ADAMTS17: variants seen among roughly 807,000 people sequenced by gnomAD.
ADAMTS17 encodes A disintegrin and metalloproteinase with thrombospondin motifs 17.
In ADAMTS17, 113 loss-of-function variants were observed where a neutral mutation model predicts 141.5. The observed-to-expected ratio is 0.80, with a 90% CI of 0.69 to 0.93. The LOEUF is 0.93. Ranked by LOEUF, ADAMTS17 falls within the 40% of genes least tolerant of loss-of-function variation. ADAMTS17 has a pLI of 0.00. For missense variants in ADAMTS17, 1,659 were observed against 1,517.9 expected (o/e 1.09, Z -1.54); for synonymous variants, 768 against 630.6 (o/e 1.22, Z -3.27).
At chr15:100,098,221 G>A (rs1041465221) in intron 14 of ADAMTS17, among the ~76,000 whole-genome samples, 1 of 151,976 alleles carries the variant, frequency 6.6e-6, no homozygotes, top group African/African-American at 2.4e-5. Flanking sequence ...GCTTTGCCGG[G>A]GCTGACCATC....
chr15:99,994,484 T>TGGAAAAAA (rs1279616800), intron 19 of ADAMTS17, among the ~76,000 whole-genome samples: 1 of 151,870 alleles, frequency 6.6e-6, no homozygotes, highest in African/African-American at 2.4e-5. Flanking sequence ...CTGTGTCCAC[T>TGGAAAAAA]GGAAAAAAGG....
rs1307657780 is a variant in ADAMTS17 at position 100,341,377 on chromosome 15, C to A, written c.112G>T (p.Val38Leu). The change falls in exon 2 of 22, where the codon GTG becomes TTG. Residue 38 changes from valine to leucine, a missense_variant. Coordinates refer to ENST00000268070, the MANE Select transcript of ADAMTS17 (RefSeq NM_139057.4). ...VGDAAADVEV[V>L]LPWRVRPDDV... is the part of the protein sequence containing the mutation. The stretch of plus-strand genomic sequence containing the variant: ...TCGGGGCGCACCCGCCACGGGAGCA[C>A]CACCTCCACGTCGGCCGCCGCGTCG... The A allele has an allele frequency of 9.8e-7, 1 of 1,017,510 alleles. No homozygotes were observed. The highest frequency in any genetic ancestry group is 9.5e-5 in the East Asian group (1 of 10,480). The allele number at this position is 1,017,510 out of a possible 1,614,324, so 63.0% of individuals were successfully genotyped here. A position where few individuals can be genotyped will look rare whatever the true frequency, so the allele number is the denominator to read the frequency against.
intron 3 of ADAMTS17, among the ~76,000 whole-genome samples, chr15:100,305,271 T>C (rs117081214): frequency 2.4e-3 from 362 of 152,356 alleles, no homozygotes; most frequent in Non-Finnish European, 3.4e-3. Context: ...CTGGTCTTTA[T>C]GGCTCTTTGT....
At chr15:100,263,942 C>T (rs2043619798) in intron 4 of ADAMTS17, among the ~76,000 whole-genome samples, 1 of 152,228 alleles carries the variant, frequency 6.6e-6, no homozygotes, top group Admixed American at 6.5e-5. Flanking sequence ...AACACGGCTG[C>T]ACCCAGCCCA....
At chr15:100,337,149 C>T (rs1203739174) in intron 2 of ADAMTS17, among the ~76,000 whole-genome samples, 1 of 152,250 alleles carries the variant, frequency 6.6e-6, no homozygotes, top group Non-Finnish European at 1.5e-5. Context: ...GCTGGGATTA[C>T]AGGCGTAAGC....
intron 13 of ADAMTS17, among the ~76,000 whole-genome samples, chr15:100,114,155 CTTCTTT>C (rs2036965099): frequency 8.8e-6 from 1 of 113,970 alleles, no homozygotes; most frequent in African/African-American, 3.3e-5. Context: ...AGAATTCTTT[CTTCTTT>C]TTTTTTTTTT....
chr15:100,086,087 G>A (rs1408620308), intron 15 of ADAMTS17, among the ~76,000 whole-genome samples: 2 of 151,896 alleles, frequency 1.3e-5, no homozygotes, highest in African/African-American at 2.4e-5. Context: ...TCAGTGTGCT[G>A]TATTCAGGAA....
At chr15:100,077,655 A>G (rs1321835271) in intron 15 of ADAMTS17, among the ~76,000 whole-genome samples, 1 of 152,200 alleles carries the variant, frequency 6.6e-6, no homozygotes, top group East Asian at 1.9e-4. Context: ...CTCCACAGCT[A>G]ACAGCATATT....
Position 100,261,587 on chromosome 15 carries a change from C to T in ADAMTS17, c.923G>A (p.Cys308Tyr). The T allele has an allele frequency of 3.1e-6, 5 of 1,614,142 alleles. No individual in the cohort carries two copies. The highest frequency in any genetic ancestry group is 1.6e-4 in the Middle Eastern group (1 of 6,062). Residue 308 changes from cysteine to tyrosine, a missense_variant, in exon 6 of 22, where the codon TGT (cysteine) becomes TAT (tyrosine). Cys to Tyr is a radical substitution (Grantham distance 194). Coordinates refer to ENST00000268070, the MANE Select transcript of ADAMTS17 (RefSeq NM_139057.4). The stretch of plus-strand genomic sequence containing the variant: ...TCCATACTCCTCGTTCTGCCAGTGA[C>T]AGAAGCTCTCCAGGGACCGCTCACC... ...HHGERSLESF[C>Y]HWQNEEYGGA... is the part of the protein sequence containing the mutation.
At chr15:100,341,695 G>A in intron 1 of ADAMTS17, 126 bp downstream of exon 1, 1 of 1,246,502 alleles carries the variant, frequency 8.0e-7, no homozygotes, top group Non-Finnish European at 1.1e-6. Context: ...CGCGGCCCGC[G>A]CCTCCTCCGC....
chr15:100,240,672 G>T (rs774028870), intron 7 of ADAMTS17, among the ~76,000 whole-genome samples: 1 of 152,124 alleles, frequency 6.6e-6, no homozygotes, highest in African/African-American at 2.4e-5. Context: ...CTGCCACCCA[G>T]AACTCAGTCC....
intron 7 of ADAMTS17, among the ~76,000 whole-genome samples, chr15:100,246,895 A>T (rs1283572700): frequency 6.7e-6 from 1 of 150,202 alleles, no homozygotes; most frequent in South Asian, 2.1e-4. Context: ...TTATTTATTT[A>T]TTTTTTGAGA....
intron 15 of ADAMTS17, among the ~76,000 whole-genome samples, chr15:100,076,704 T>A (rs962520583): frequency 1.3e-5 from 2 of 152,168 alleles, no homozygotes; most frequent in African/African-American, 4.8e-5. Context: ...ATTTTCCTTT[T>A]AAAAAACAAT....
rs139059770 is a variant in ADAMTS17 at position 100,096,384 on chromosome 15, C to T, written c.2109G>A (p.Lys703=). The change falls in exon 15 of 22, where the codon AAG becomes AAA. Residue 703 remains lysine (K), a synonymous_variant. Coordinates refer to ENST00000268070, the MANE Select transcript of ADAMTS17 (RefSeq NM_139057.4). ...TCCCCCGGGCGTGGCTGAAGTCGCC[C>T]TTCACCAAGTGGCAGGTCTTGCCGT... ...SGDGKTCHLV[K]GDFSHARGTA... is the part of the protein sequence containing the mutation. 4.3e-4 allele frequency: 691 copies of T among 1,614,094 alleles called. 1 individual carries two copies. Among genetic ancestry groups the T allele is most frequent in the Admixed American group, 1.5e-3 (88 of 60,028 alleles).
chr15:100,167,483 G>C (rs993572252), intron 8 of ADAMTS17, among the ~76,000 whole-genome samples: 1 of 152,140 alleles, frequency 6.6e-6, no homozygotes, highest in Non-Finnish European at 1.5e-5. Context: ...GGCTGCTGTG[G>C]ATTTCTTAGA....
chr15:100,036,740 C>T (rs1405010062), intron 18 of ADAMTS17, among the ~76,000 whole-genome samples: 2 of 152,102 alleles, frequency 1.3e-5, no homozygotes, highest in African/African-American at 4.8e-5. Flanking sequence ...ACTTCCATCC[C>T]TCTCCCTCCT....
At chr15:100,019,293 G>A (rs770213518) in intron 18 of ADAMTS17, among the ~76,000 whole-genome samples, 135 of 152,238 alleles carry the variant, frequency 8.9e-4, no homozygotes, top group Non-Finnish European at 1.4e-3. Flanking sequence ...ATACCAACAG[G>A]GGAAAGGAGG....
chr15:100,152,267 C>T (rs2039204031), intron 10 of ADAMTS17, among the ~76,000 whole-genome samples: 1 of 152,110 alleles, frequency 6.6e-6, no homozygotes, highest in Non-Finnish European at 1.5e-5. Flanking sequence ...CCTCAGGTTT[C>T]CATATTAAAA....
chr15:100,301,538 T>C (rs543500824), intron 3 of ADAMTS17, among the ~76,000 whole-genome samples: 2 of 149,972 alleles, frequency 1.3e-5, no homozygotes, highest in South Asian at 4.2e-4. Flanking sequence ...GGGGTTTCAC[T>C]GTGTTAGCCA....
Sources: allele counts gnomAD v4.1 joint callset (sites outside exome capture counted in the v4.1 genomes callset), GRCh38; gene constraint gnomAD v4.1.1; transcripts MANE v1.5; gene names NCBI Gene and HGNC (gene_info 2026-07-23, HGNC 2026-07-21).